Variants in RPS6KC1 observed in about 807,000 individuals in gnomAD.
RPS6KC1 encodes ribosomal protein S6 kinase C1.
RPS6KC1 carries 54 observed loss-of-function variants against 103.8 expected under a neutral mutation model. That is an observed-to-expected ratio of 0.52 (90% CI 0.42 to 0.65). The LOEUF (loss-of-function observed/expected upper bound fraction) is 0.65. Ranked by LOEUF, RPS6KC1 falls within the 30% of genes least tolerant of loss-of-function variation. The probability of loss-of-function intolerance (pLI) is 0.00; values close to 1 mark genes in which losing one functional copy is unlikely to be tolerated. For synonymous variants in RPS6KC1, 439 were observed against 438.7 expected (o/e 1.00, Z -0.01); for missense variants, 1,151 against 1,253.8 (o/e 0.92, Z 1.24).
At chr1:213,363,757 CTCTT>C in the RPS6KC1 span, among the ~76,000 whole-genome samples, 1 of 60,410 alleles carries the variant, frequency 1.7e-5, no homozygotes, top group Non-Finnish European at 3.4e-5. Context: ...TTCTCTTTCT[CTCTT>C]CTTTCTTTCT....
At chr1:213,291,714 G>A in the RPS6KC1 span, among the ~76,000 whole-genome samples, 1 of 152,178 alleles carries the variant, frequency 6.6e-6, no homozygotes, top group Non-Finnish European at 1.5e-5. Flanking sequence ...ACAATAAAGA[G>A]GTGTAGTGGG....
chr1:213,512,234 T>A, the RPS6KC1 span, among the ~76,000 whole-genome samples: 1 of 152,208 alleles, frequency 6.6e-6, no homozygotes, highest in Non-Finnish European at 1.5e-5. Context: ...GGAAATAATT[T>A]ATGGTTTGCA....
rs774932502 is a variant in RPS6KC1 at position 213,051,451 on chromosome 1, C to T, written c.47C>T (p.Thr16Ile). ...ERSADLARFY[T>I]VTEPQRHPRG... ...AGTGCCGACCTGGCCCGTTTCTACA[C>T]TGTCACCGAGCCCCAGCGACACCCG... Residue 16 changes from threonine (T) to isoleucine (I), a missense_variant, in exon 1 of 15, where the codon ACT becomes ATT. Coordinates refer to ENST00000366960, the MANE Select transcript of RPS6KC1 (RefSeq NM_012424.6). 3 of 1,613,850 alleles carry T rather than the reference C, an allele frequency of 1.9e-6. No individual in the cohort carries two copies. Among genetic ancestry groups the T allele is most frequent in the East Asian group, 2.2e-5 (1 of 44,884 alleles).
the RPS6KC1 span, among the ~76,000 whole-genome samples, chr1:213,728,603 T>TGA: frequency 6.6e-6 from 1 of 152,088 alleles, no homozygotes; most frequent in Non-Finnish European, 1.5e-5. Context: ...AGAGGAAAAG[T>TGA]GAGGCAAGAG....
chr1:213,064,676 C>CTTT lies in RPS6KC1; in HGVS notation c.106-6313_106-6311dup, dbSNP rs34472724. Among the ~76,000 whole-genome samples, 340 of 104,836 alleles carry CTTT rather than the reference C, an allele frequency of 3.2e-3. 8 individuals carry two copies. The highest frequency in any genetic ancestry group is 4.1e-3 in the Non-Finnish European group (228 of 55,960). 68.8% of individuals were successfully genotyped at this position (104,836 alleles called of 152,430 possible). Reference sequence around the variant, plus strand: ...AGCCACTGCGCCTGGCCTTTGTGAACTTTTTTTTTTTTTTTTTTTGAGATG... The same window carrying CTTT: ...AGCCACTGCGCCTGGCCTTTGTGAACTTTTTTTTTTTTTTTTTTTTTTGAGATG... On this transcript the variant is annotated intron_variant, in intron 1 of 14. Coordinates refer to ENST00000366960, the MANE Select transcript of RPS6KC1 (RefSeq NM_012424.6).
the RPS6KC1 span, among the ~76,000 whole-genome samples, chr1:213,441,193 C>G: frequency 6.6e-6 from 1 of 152,194 alleles, no homozygotes; most frequent in African/African-American, 2.4e-5. Flanking sequence ...ACAGGAAAGT[C>G]TACGAAATTC....
At chr1:213,833,756 T>C in the RPS6KC1 span, among the ~76,000 whole-genome samples, 2 of 152,194 alleles carry the variant, frequency 1.3e-5, no homozygotes, top group Non-Finnish European at 2.9e-5. Flanking sequence ...AGAGACAGCA[T>C]GCATGTAGCG....
At chr1:213,698,237 G>A in the RPS6KC1 span, among the ~76,000 whole-genome samples, 1 of 152,282 alleles carries the variant, frequency 6.6e-6, no homozygotes, top group African/African-American at 2.4e-5. Context: ...CGTATTTAAT[G>A]CTCACAGCAT....
At chr1:213,068,274 A>G (rs2078513255) in intron 1 of RPS6KC1, among the ~76,000 whole-genome samples, 1 of 151,910 alleles carries the variant, frequency 6.6e-6, no homozygotes. Flanking sequence ...TCACGAGGTC[A>G]AGAGATTGAG....
chr1:213,581,126 G>T, the RPS6KC1 span, among the ~76,000 whole-genome samples: 3 of 151,938 alleles, frequency 2.0e-5, no homozygotes, highest in Admixed American at 6.5e-5. Flanking sequence ...CCATGGCAGG[G>T]CATAGTGACA....
chr1:213,801,517 A>C, the RPS6KC1 span, among the ~76,000 whole-genome samples: 1 of 152,174 alleles, frequency 6.6e-6, no homozygotes, highest in African/African-American at 2.4e-5. Flanking sequence ...TTCAATAAGA[A>C]TAACATGTTT....
the RPS6KC1 span, among the ~76,000 whole-genome samples, chr1:213,528,290 C>A: frequency 6.6e-6 from 1 of 152,064 alleles, no homozygotes; most frequent in Non-Finnish European, 1.5e-5. Flanking sequence ...CAAGAAGTGC[C>A]GAGCAAAGGG....
chr1:213,193,706 G>C (rs762087290), intron 8 of RPS6KC1, among the ~76,000 whole-genome samples: 1 of 152,076 alleles, frequency 6.6e-6, no homozygotes, highest in Non-Finnish European at 1.5e-5. Flanking sequence ...CAAGATCTCG[G>C]CTTACTGCAA....
the RPS6KC1 span, among the ~76,000 whole-genome samples, chr1:213,668,994 C>T: frequency 2.6e-5 from 4 of 152,156 alleles, no homozygotes; most frequent in Non-Finnish European, 4.4e-5. Context: ...CTTAAGGGAA[C>T]ATTATGGCTT....
At chr1:213,287,989 G>A in the RPS6KC1 span, among the ~76,000 whole-genome samples, 3 of 152,186 alleles carry the variant, frequency 2.0e-5, no homozygotes, top group African/African-American at 7.2e-5. Flanking sequence ...ACTGCTAAAT[G>A]AACCAGAGTG....
At chr1:213,507,614 G>T in the RPS6KC1 span, among the ~76,000 whole-genome samples, 1 of 148,320 alleles carries the variant, frequency 6.7e-6, no homozygotes, top group Admixed American at 6.8e-5. Context: ...CCCATCCACC[G>T]CTCAGAGCCC....
chr1:213,532,086 C>T, the RPS6KC1 span, among the ~76,000 whole-genome samples: 10 of 152,314 alleles, frequency 6.6e-5, no homozygotes, highest in South Asian at 2.1e-4. Flanking sequence ...GCAGCGCTTA[C>T]GGCCTTCACT....
At chr1:213,328,074 G>T in the RPS6KC1 span, among the ~76,000 whole-genome samples, 3 of 152,236 alleles carry the variant, frequency 2.0e-5, no homozygotes, top group Non-Finnish European at 4.4e-5. Context: ...ATGTATGGTA[G>T]CTGTCGCCCA....
chr1:213,398,196 CT>C, the RPS6KC1 span, among the ~76,000 whole-genome samples: 12,091 of 109,420 alleles, frequency 0.11, 1,507 homozygotes, highest in African/African-American at 0.45. Flanking sequence ...CACACCTGGC[CT>C]TTTTTTTTTT....
Sources: gnomAD v4.1 joint callset for allele counts (sites outside exome capture counted in the v4.1 genomes callset) on GRCh38, gnomAD v4.1.1 for gene constraint, MANE v1.5 for transcripts, NCBI Gene and HGNC (gene_info 2026-07-23, HGNC 2026-07-21) for gene names.